EPHA3: variants seen among roughly 807,000 people sequenced by gnomAD.
EPHA3 encodes EPH receptor A3, also known as ephrin type-A receptor 3.
EPHA3 carries 42 observed loss-of-function variants against 107.1 expected under a neutral mutation model. That is an observed-to-expected ratio of 0.39 (90% CI 0.31 to 0.51). The LOEUF (loss-of-function observed/expected upper bound fraction) is 0.51, where lower values mean the gene tolerates loss of function less well. Ranked by LOEUF, EPHA3 falls within the 20% of genes least tolerant of loss-of-function variation. The pLI, the probability that EPHA3 is intolerant of heterozygous loss-of-function variation, is 0.78. For synonymous variants in EPHA3, 461 were observed against 424.8 expected (o/e 1.09, Z -1.05); for missense variants, 1,183 against 1,211.2 (o/e 0.98, Z 0.35).
intron 9 of EPHA3, among the ~76,000 whole-genome samples, chr3:89,411,908 T>C (rs963845098): frequency 1.3e-5 from 2 of 151,938 alleles, no homozygotes; most frequent in African/African-American, 2.4e-5. Context: ...AACAGTAATA[T>C]CTGATTTCAT....
chr3:89,396,259 C>G (rs1462183624), intron 6 of EPHA3, among the ~76,000 whole-genome samples: 1 of 152,218 alleles, frequency 6.6e-6, no homozygotes, highest in Non-Finnish European at 1.5e-5. Flanking sequence ...ACTCTACCAA[C>G]TATTTTATTG....
chr3:89,276,316 T>G (rs555521646), intron 3 of EPHA3, among the ~76,000 whole-genome samples: 1 of 152,104 alleles, frequency 6.6e-6, no homozygotes, highest in African/African-American at 2.4e-5. Context: ...TATCAAGCAT[T>G]GTACTGTACA....
intron 3 of EPHA3, among the ~76,000 whole-genome samples, chr3:89,330,291 A>C (rs1276658587): frequency 6.6e-6 from 1 of 152,074 alleles, no homozygotes; most frequent in East Asian, 1.9e-4. Context: ...CTGTTACCTG[A>C]TAAATGTCTG....
intron 3 of EPHA3, among the ~76,000 whole-genome samples, chr3:89,310,889 C>T (rs1218660916): frequency 6.6e-6 from 1 of 151,900 alleles, no homozygotes; most frequent in Non-Finnish European, 1.5e-5. Context: ...GCTGTCTTAG[C>T]CTGTATTTTT....
At chr3:89,375,395 A>G (rs947285432) in intron 5 of EPHA3, among the ~76,000 whole-genome samples, 2 of 151,822 alleles carry the variant, frequency 1.3e-5, no homozygotes, top group African/African-American at 4.8e-5. Flanking sequence ...GGGAGCATAA[A>G]AATGAAACAA....
intron 1 of EPHA3, among the ~76,000 whole-genome samples, chr3:89,119,375 TAA>T (rs1379799131): frequency 2.6e-5 from 4 of 152,136 alleles, no homozygotes; most frequent in Non-Finnish European, 5.9e-5. Flanking sequence ...ATCAATAAAT[TAA>T]AAGTTTTCTG....
intron 3 of EPHA3, among the ~76,000 whole-genome samples, chr3:89,311,116 G>T (rs13088663): frequency 0.38 from 57,546 of 151,902 alleles, 11,807 homozygotes; most frequent in Non-Finnish European, 0.46. Flanking sequence ...TTTACAAATG[G>T]TTGCAGTTAT....
At chr3:89,145,687 T>C (rs552568604) in intron 2 of EPHA3, among the ~76,000 whole-genome samples, 2 of 151,862 alleles carry the variant, frequency 1.3e-5, no homozygotes, top group Non-Finnish European at 2.9e-5. Flanking sequence ...AGTCACCTAA[T>C]GTAGAGACCT....
chr3:89,415,556 C>A (rs1221718999), intron 10 of EPHA3, among the ~76,000 whole-genome samples: 3 of 148,160 alleles, frequency 2.0e-5, no homozygotes, highest in African/African-American at 7.4e-5. Context: ...TGGAAACTCT[C>A]TTGTATACAT....
At chr3:89,305,944 CAGAAA>C (rs1189903997) in intron 3 of EPHA3, among the ~76,000 whole-genome samples, 15 of 152,066 alleles carry the variant, frequency 9.9e-5, no homozygotes, top group African/African-American at 3.4e-4. Context: ...GAGAAGTAAA[CAGAAA>C]AGAAAAGGAC....
At chr3:89,431,504 A>G (rs1709569102) in intron 13 of EPHA3, 145 bp downstream of exon 13, 4 of 614,852 alleles carry the variant, frequency 6.5e-6, no homozygotes, top group Non-Finnish European at 1.1e-5. Context: ...TTAAAATATT[A>G]TTATTTATTC....
rs114511002 is a variant in EPHA3 at position 89,472,852 on chromosome 3, G to A, written c.2846+233G>A. Reference sequence around the variant, plus strand: ...CTCTCTCAAGATAGGGCCCAGGATCGGTGTCTTTAGATATGACCTTCAGAT... The same window carrying A: ...CTCTCTCAAGATAGGGCCCAGGATCAGTGTCTTTAGATATGACCTTCAGAT... On this transcript the variant is annotated intron_variant, in intron 16 of 16. Coordinates refer to ENST00000336596, the MANE Select transcript of EPHA3 (RefSeq NM_005233.6). Among the ~76,000 whole-genome samples, 352 of 152,130 alleles carry A rather than the reference G, an allele frequency of 2.3e-3. 2 individuals are homozygous for A. The highest frequency in any genetic ancestry group is 8.2e-3 in the African/African-American group (339 of 41,492).
At chr3:89,329,030 T>A (rs1001791554) in intron 3 of EPHA3, among the ~76,000 whole-genome samples, 2 of 152,156 alleles carry the variant, frequency 1.3e-5, no homozygotes, top group Non-Finnish European at 2.9e-5. Flanking sequence ...ATCCCTCACC[T>A]TTTTAGGTCT....
intron 3 of EPHA3, among the ~76,000 whole-genome samples, chr3:89,264,191 T>C (rs1257508667): frequency 6.6e-6 from 1 of 152,170 alleles, no homozygotes; most frequent in East Asian, 1.9e-4. Flanking sequence ...TTTTCATCTG[T>C]AAATCTGTGA....
chr3:89,382,570 G>A (rs909987124), intron 5 of EPHA3, among the ~76,000 whole-genome samples: 1 of 151,996 alleles, frequency 6.6e-6, no homozygotes, highest in African/African-American at 2.4e-5. Flanking sequence ...AAGCACCAGG[G>A]TCAGTCAGGA....
intron 2 of EPHA3, among the ~76,000 whole-genome samples, chr3:89,129,297 T>C (rs1339210342): frequency 6.6e-6 from 1 of 152,206 alleles, no homozygotes; most frequent in South Asian, 2.1e-4. Flanking sequence ...TCTTCATTGC[T>C]GTCCTCTGTT....
chr3:89,277,424 A>T (rs1301666808), intron 3 of EPHA3, among the ~76,000 whole-genome samples: 1 of 152,136 alleles, frequency 6.6e-6, no homozygotes, highest in Non-Finnish European at 1.5e-5. Context: ...AGACGACTAG[A>T]TTTGATATTT....
intron 3 of EPHA3, among the ~76,000 whole-genome samples, chr3:89,262,659 C>G (rs1705442661): frequency 6.6e-6 from 1 of 152,254 alleles, no homozygotes; most frequent in African/African-American, 2.4e-5. Flanking sequence ...ACAGGGGTGC[C>G]TTGTTTACTC....
At chr3:89,133,653 A>G (rs1470545060) in intron 2 of EPHA3, among the ~76,000 whole-genome samples, 3 of 152,180 alleles carry the variant, frequency 2.0e-5, no homozygotes, top group African/African-American at 7.2e-5. Context: ...CTTTTGAAGC[A>G]TTGTTTGTGC....
Sources: allele counts gnomAD v4.1 joint callset (sites outside exome capture counted in the v4.1 genomes callset), GRCh38; gene constraint gnomAD v4.1.1; transcripts MANE v1.5; gene names NCBI Gene and HGNC (gene_info 2026-07-23, HGNC 2026-07-21).